Variants in LRBA observed in about 807,000 individuals in gnomAD.
LRBA encodes lipopolysaccharide-responsive and beige-like anchor protein.
A neutral mutation model predicts 330.0 loss-of-function variants in LRBA; 176 were observed. The observed-to-expected ratio is 0.53, with a 90% CI of 0.47 to 0.60. LRBA has a LOEUF of 0.60. Ranked by LOEUF, LRBA falls within the 20% of genes least tolerant of loss-of-function variation. LRBA has a pLI of 0.00. For missense variants in LRBA, 3,259 were observed against 3,444.8 expected, an observed-to-expected ratio of 0.95 and a Z score of 1.35; for synonymous variants, 1,230 against 1,193.0, an observed-to-expected ratio of 1.03 and a Z score of -0.64.
At chr4:150,489,321 A>ATATATTACATATAAGAATATATAT (rs1561250792) in intron 41 of LRBA, among the ~76,000 whole-genome samples, 1 of 20,452 alleles carries the variant, frequency 4.9e-5, no homozygotes, top group Non-Finnish European at 9.7e-5. Context: ...AGAATATATA[A>ATATATTACATATAAGAATATATAT]AATATATTAC....
chr4:150,754,741 T>A (rs183993373), intron 35 of LRBA, among the ~76,000 whole-genome samples: 29 of 152,144 alleles, frequency 1.9e-4, no homozygotes, highest in African/African-American at 6.7e-4. Flanking sequence ...CAAGAACTTA[T>A]CTCTTAAAAG....
intron 53 of LRBA, among the ~76,000 whole-genome samples, chr4:150,295,700 T>C (rs1239530704): frequency 6.6e-6 from 1 of 152,214 alleles, no homozygotes; most frequent in Non-Finnish European, 1.5e-5. Flanking sequence ...TGTATACACA[T>C]ATAGGCATAG....
At chr4:150,274,179 G>T (rs1174326580) in intron 56 of LRBA, among the ~76,000 whole-genome samples, 1 of 152,160 alleles carries the variant, frequency 6.6e-6, no homozygotes, top group Non-Finnish European at 1.5e-5. Flanking sequence ...CAACTACATA[G>T]AAACTGAACA....
intron 47 of LRBA, among the ~76,000 whole-genome samples, 159 bp downstream of exon 47, chr4:150,415,279 A>C (rs1487346251): frequency 1.3e-5 from 2 of 152,224 alleles, no homozygotes; most frequent in Non-Finnish European, 2.9e-5. Context: ...CATTTCATAA[A>C]GTATATACAA....
At chr4:150,660,562 G>A (rs1437028270) in intron 37 of LRBA, among the ~76,000 whole-genome samples, 1 of 149,854 alleles carries the variant, frequency 6.7e-6, no homozygotes, top group Non-Finnish European at 1.5e-5. Flanking sequence ...CCCGGTCTGG[G>A]AGGTGTGCCC....
At chr4:150,460,497 T>C (rs1410168908) in intron 44 of LRBA, among the ~76,000 whole-genome samples, 1 of 151,878 alleles carries the variant, frequency 6.6e-6, no homozygotes, top group Non-Finnish European at 1.5e-5. Flanking sequence ...TAGGGCAATG[T>C]AAACTGCTAG....
chr4:150,789,201 C>T (rs1044433810), intron 34 of LRBA, among the ~76,000 whole-genome samples: 10 of 152,218 alleles, frequency 6.6e-5, no homozygotes, highest in African/African-American at 2.4e-4. Flanking sequence ...AGACAAGAGC[C>T]ACCTGTACAT....
chr4:150,505,437 C>T (rs1178409595), intron 40 of LRBA, among the ~76,000 whole-genome samples: 6 of 152,110 alleles, frequency 3.9e-5, no homozygotes, highest in Middle Eastern at 3.2e-3. Context: ...CAATCAAAAC[C>T]GCTCAACTAC....
At chr4:150,457,663 T>TA (rs913354428) in intron 44 of LRBA, among the ~76,000 whole-genome samples, 12 of 150,482 alleles carry the variant, frequency 8.0e-5, no homozygotes, top group African/African-American at 1.5e-4. Context: ...TTTCTATAAT[T>TA]AAAAAAAAAT....
chr4:150,503,061 G>C (rs1333474329), intron 40 of LRBA, among the ~76,000 whole-genome samples: 1 of 152,200 alleles, frequency 6.6e-6, no homozygotes, highest in Non-Finnish European at 1.5e-5. Context: ...CAGGAAGCTC[G>C]AACTGGGTGG....
At chr4:150,986,131 G>A (rs1741437333) in intron 2 of LRBA, among the ~76,000 whole-genome samples, 1 of 152,082 alleles carries the variant, frequency 6.6e-6, no homozygotes, top group Admixed American at 6.6e-5. Flanking sequence ...TGTTAAGGGT[G>A]CTTTCAGGTC....
chr4:150,414,253 A>G (rs1425872161), intron 47 of LRBA, among the ~76,000 whole-genome samples: 1 of 152,174 alleles, frequency 6.6e-6, no homozygotes, highest in Non-Finnish European at 1.5e-5. Flanking sequence ...AAGCTTACAT[A>G]TTCTTTCCAC....
intron 2 of LRBA, among the ~76,000 whole-genome samples, chr4:150,974,874 C>CA (rs376385704): frequency 8.0e-5 from 12 of 149,762 alleles, no homozygotes; most frequent in East Asian, 3.9e-4. Context: ...AGGACAAACC[C>CA]AAAAAAAAAG....
At chr4:150,278,611 C>G (rs1173345693) in intron 55 of LRBA, among the ~76,000 whole-genome samples, 1 of 152,184 alleles carries the variant, frequency 6.6e-6, no homozygotes. Flanking sequence ...CTAGGCTGTG[C>G]CCCTCTGTCC....
At chr4:150,509,771 C>T (rs1004834550) in intron 40 of LRBA, among the ~76,000 whole-genome samples, 2 of 152,030 alleles carry the variant, frequency 1.3e-5, no homozygotes, top group Admixed American at 1.3e-4. Context: ...GATTTTTAGA[C>T]ATTAAAAGGA....
At chr4:150,977,183 C>T (rs1258077379) in intron 2 of LRBA, among the ~76,000 whole-genome samples, 6 of 152,190 alleles carry the variant, frequency 3.9e-5, no homozygotes, top group African/African-American at 7.2e-5. Context: ...CCCCTGGCAG[C>T]GCAGCTTGCA....
intron 50 of LRBA, among the ~76,000 whole-genome samples, chr4:150,320,976 A>G (rs182384559): frequency 2.0e-5 from 3 of 152,302 alleles, no homozygotes; most frequent in Admixed American, 2.0e-4. Flanking sequence ...AAGAATAAAG[A>G]TAAACCACCA....
At chr4:150,669,212 T>C (rs1781832928) in intron 37 of LRBA, among the ~76,000 whole-genome samples, 1 of 152,178 alleles carries the variant, frequency 6.6e-6, no homozygotes, top group Non-Finnish European at 1.5e-5. Flanking sequence ...TTTTAAAATT[T>C]GACAATTTTA....
At chr4:150,543,873 T>A (rs1765569738) in intron 40 of LRBA, among the ~76,000 whole-genome samples, 1 of 152,060 alleles carries the variant, frequency 6.6e-6, no homozygotes, top group African/African-American at 2.4e-5. Context: ...AAAATATATT[T>A]TATATATATT....
Sources: allele counts gnomAD v4.1 joint callset (sites outside exome capture counted in the v4.1 genomes callset), GRCh38; gene constraint gnomAD v4.1.1; transcripts MANE v1.5; gene names NCBI Gene and HGNC (gene_info 2026-07-23, HGNC 2026-07-21).